SLC9A9: variants seen among roughly 807,000 people sequenced by gnomAD.
SLC9A9 encodes the protein solute carrier family 9 member A9, also known as sodium/hydrogen exchanger 9.
Under a neutral mutation model 77.8 loss-of-function variants are expected in SLC9A9, and 62 were observed. The ratio of observed to expected loss-of-function variants is 0.80; its 90% CI spans 0.65 to 0.98. The LOEUF is 0.98. Ranked by LOEUF, SLC9A9 falls within the 50% of genes least tolerant of loss-of-function variation. SLC9A9 has a pLI of 0.00. For synonymous variants in SLC9A9, 320 were observed against 283.5 expected, an observed-to-expected ratio of 1.13 and a Z score of -1.29; for missense variants, 775 against 774.9, an observed-to-expected ratio of 1.00 and a Z score of 0.00.
chr3:143,690,171 A>AAT (rs2108780165), intron 5 of SLC9A9, among the ~76,000 whole-genome samples: 1 of 152,056 alleles, frequency 6.6e-6, no homozygotes, highest in African/African-American at 2.4e-5. Context: ...TTTTAGTAAC[A>AAT]ATATATATAT....
chr3:143,806,904 T>C (rs1434052309), intron 2 of SLC9A9, among the ~76,000 whole-genome samples: 1 of 152,184 alleles, frequency 6.6e-6, no homozygotes, highest in East Asian at 1.9e-4. Flanking sequence ...AAAGAAATAA[T>C]AAATGCTTGA....
rs1934217448 is a variant in SLC9A9 at position 143,712,265 on chromosome 3, G to GA, written c.534-18959dup. On this transcript the variant is annotated intron_variant, in intron 4 of 15. Coordinates refer to ENST00000316549, the MANE Select transcript of SLC9A9 (RefSeq NM_173653.4). Reference sequence around the variant, plus strand: ...TTCTTAACAACTCTACTTCTCTGGGGAAAAAAGCACCTGCTATTATCAAGC... The same window carrying GA: ...TTCTTAACAACTCTACTTCTCTGGGGAAAAAAAGCACCTGCTATTATCAAGC... Among the ~76,000 whole-genome samples the GA allele has an allele frequency of 2.0e-5, 3 of 152,138 alleles. No individual in the cohort carries two copies. In the South Asian group the frequency reaches 6.2e-4, roughly 32 times the overall value.
intron 15 of SLC9A9, among the ~76,000 whole-genome samples, chr3:143,268,649 C>T (rs1282948499): frequency 6.9e-6 from 1 of 144,552 alleles, no homozygotes; most frequent in Non-Finnish European, 1.5e-5. Flanking sequence ...AGGAGAATGG[C>T]ATGAACCCGG....
chr3:143,654,790 G>A (rs1249372031), intron 5 of SLC9A9, among the ~76,000 whole-genome samples: 1 of 152,134 alleles, frequency 6.6e-6, no homozygotes, highest in African/African-American at 2.4e-5. Context: ...GGAAAAGGAA[G>A]GTAAGGCCCT....
chr3:143,460,684 T>A (rs1294241376), intron 12 of SLC9A9, among the ~76,000 whole-genome samples: 1 of 152,176 alleles, frequency 6.6e-6, no homozygotes, highest in Non-Finnish European at 1.5e-5. Flanking sequence ...AAGACTGTTA[T>A]CTCTGGACCT....
intron 12 of SLC9A9, among the ~76,000 whole-genome samples, chr3:143,414,972 G>A (rs2034166028): frequency 1.3e-5 from 2 of 152,168 alleles, no homozygotes; most frequent in Non-Finnish European, 2.9e-5. Context: ...ACACACCGAT[G>A]GCAAGAAAGT....
intron 14 of SLC9A9, among the ~76,000 whole-genome samples, chr3:143,327,955 A>G (rs2031652033): frequency 1.3e-5 from 2 of 152,236 alleles, no homozygotes; most frequent in Admixed American, 1.3e-4. Context: ...GATTTTCTAA[A>G]TAGCTTGCAA....
chr3:143,827,592 T>C (rs1483601223), intron 2 of SLC9A9, among the ~76,000 whole-genome samples: 2 of 152,140 alleles, frequency 1.3e-5, no homozygotes, highest in Non-Finnish European at 2.9e-5. Context: ...TGGAAGGAAC[T>C]CACAGAGCCA....
intron 9 of SLC9A9, among the ~76,000 whole-genome samples, chr3:143,519,729 G>A (rs190584922): frequency 5.1e-4 from 77 of 152,238 alleles, no homozygotes; most frequent in African/African-American, 1.7e-3. Context: ...GCAATGGGGC[G>A]AGTGAGAAGA....
intron 5 of SLC9A9, among the ~76,000 whole-genome samples, chr3:143,670,850 C>T (rs1016020883): frequency 1.3e-5 from 2 of 152,168 alleles, no homozygotes; most frequent in African/African-American, 2.4e-5. Flanking sequence ...GTGCCTATGA[C>T]ATAGCAGGCA....
At chr3:143,503,422 G>A (rs2035958450) in intron 9 of SLC9A9, 1 of 349,838 alleles carries the variant, frequency 2.9e-6, no homozygotes, top group African/African-American at 2.2e-5. Context: ...CACTGTTAAA[G>A]TCAGAGGAGA....
At chr3:143,318,242 G>A (rs1458806676) in intron 14 of SLC9A9, among the ~76,000 whole-genome samples, 1 of 152,124 alleles carries the variant, frequency 6.6e-6, no homozygotes, top group African/African-American at 2.4e-5. Context: ...CCTTCTCTCA[G>A]TAAATCAAGG....
intron 6 of SLC9A9, among the ~76,000 whole-genome samples, chr3:143,583,364 G>A (rs1316951362): frequency 6.6e-6 from 1 of 152,158 alleles, no homozygotes; most frequent in African/African-American, 2.4e-5. Flanking sequence ...ATTCTTTGAT[G>A]AAAGCAACAT....
chr3:143,611,502 G>A (rs2038021012), intron 6 of SLC9A9, among the ~76,000 whole-genome samples: 1 of 152,136 alleles, frequency 6.6e-6, no homozygotes, highest in South Asian at 2.1e-4. Context: ...ATAAAGATAA[G>A]AGTCTAAATG....
At chr3:143,793,071 C>A (rs963259584) in intron 4 of SLC9A9, among the ~76,000 whole-genome samples, 3 of 152,108 alleles carry the variant, frequency 2.0e-5, no homozygotes, top group African/African-American at 7.2e-5. Context: ...CTAAGAACAC[C>A]GTTCTAAAAT....
At chr3:143,828,951 C>A (rs1559817629) in intron 2 of SLC9A9, among the ~76,000 whole-genome samples, 1 of 152,170 alleles carries the variant, frequency 6.6e-6, no homozygotes, top group Non-Finnish European at 1.5e-5. Flanking sequence ...ATTCCAAAAC[C>A]CTTGATACTC....
chr3:143,271,693 G>A (rs1937904779), intron 14 of SLC9A9, among the ~76,000 whole-genome samples: 1 of 152,152 alleles, frequency 6.6e-6, no homozygotes, highest in South Asian at 2.1e-4. Flanking sequence ...TGTTCAGGGG[G>A]CTAGCATGAG....
intron 5 of SLC9A9, 35 bp downstream of exon 5, chr3:143,693,156 TC>T: frequency 6.7e-7 from 1 of 1,502,176 alleles, no homozygotes; most frequent in South Asian, 1.1e-5. Flanking sequence ...AATGTTTGAT[TC>T]TTAAAAGAAG....
chr3:143,713,414 C>T (rs1249232610), intron 4 of SLC9A9, among the ~76,000 whole-genome samples: 2 of 152,054 alleles, frequency 1.3e-5, no homozygotes, highest in East Asian at 3.9e-4. Context: ...CAAGAAGGAA[C>T]ATGGTATCCA....
Sources: allele counts gnomAD v4.1 joint callset (sites outside exome capture counted in the v4.1 genomes callset), GRCh38; gene constraint gnomAD v4.1.1; transcripts MANE v1.5; gene names NCBI Gene and HGNC (gene_info 2026-07-23, HGNC 2026-07-21).